Variants in KAT6B observed in about 807,000 individuals in gnomAD.
KAT6B encodes the protein lysine acetyltransferase 6B, also known as histone acetyltransferase KAT6B.
A neutral mutation model predicts 187.5 loss-of-function variants in KAT6B; 10 were observed. The ratio of observed to expected loss-of-function variants is 0.05; its 90% CI spans 0.03 to 0.09. The LOEUF (loss-of-function observed/expected upper bound fraction) is 0.09. KAT6B is among the 10% of genes least tolerant of loss of function. The pLI, the probability that KAT6B is intolerant of heterozygous loss-of-function variation, is 1.00. For missense variants in KAT6B, 1,952 were observed against 2,558.9 expected (o/e 0.76, Z 5.12); for synonymous variants, 861 against 926.8 (o/e 0.93, Z 1.29).
chr10:74,872,243 C>T (rs930224281), intron 3 of KAT6B, among the ~76,000 whole-genome samples: 1 of 152,166 alleles, frequency 6.6e-6, no homozygotes, highest in Non-Finnish European at 1.5e-5. Flanking sequence ...ACAAGAGAAG[C>T]GGCTTCTAGG....
chr10:74,906,837 G>A (rs760595262), intron 3 of KAT6B, among the ~76,000 whole-genome samples: 2 of 152,160 alleles, frequency 1.3e-5, no homozygotes, highest in Non-Finnish European at 2.9e-5. Flanking sequence ...CCTTTCTGGA[G>A]CGTCCGCCTC....
At chr10:74,954,580 C>T (rs1193003956) in intron 3 of KAT6B, among the ~76,000 whole-genome samples, 7 of 152,102 alleles carry the variant, frequency 4.6e-5, no homozygotes, top group Non-Finnish European at 2.9e-5. Flanking sequence ...ACCACAAGAA[C>T]GAATCTAACC....
At chr10:74,895,361 A>ATATTAT (rs10693929) in intron 3 of KAT6B, among the ~76,000 whole-genome samples, 22,192 of 149,384 alleles carry the variant, frequency 0.15, 2,463 homozygotes, top group South Asian at 0.31. Context: ...CCCTTTAATC[A>ATATTAT]TATTATTATT....
Position 74,843,049 on chromosome 10 carries a change from C to T in KAT6B, c.192C>T (p.Thr64=). Residue 64 remains threonine, a synonymous_variant, in exon 3 of 18, where the codon ACC becomes ACT. Transcript: ENST00000287239. ...AGGATGGCTCAGTTCTCAAAGTCAC[C>T]AACAAAGGCCTTGCCTCCTATAAGG... ...SVQDGSVLKV[T]NKGLASYKDP... The T allele has an allele frequency of 6.2e-7, 1 of 1,614,150 alleles. No individual in the cohort carries two copies. Among genetic ancestry groups the T allele is most frequent in the Non-Finnish European group, 8.5e-7 (1 of 1,180,018 alleles).
chr10:74,967,148 A>G (rs1343589963), intron 4 of KAT6B, among the ~76,000 whole-genome samples: 1 of 152,140 alleles, frequency 6.6e-6, no homozygotes, highest in Non-Finnish European at 1.5e-5. Flanking sequence ...AACACAGTGA[A>G]ACCCTGTCTG....
chr10:75,002,026 T>C (rs1358702049), intron 13 of KAT6B, among the ~76,000 whole-genome samples: 1 of 152,168 alleles, frequency 6.6e-6, no homozygotes, highest in Non-Finnish European at 1.5e-5. Context: ...CTGCACCGTG[T>C]GGTCAGCTTA....
intron 3 of KAT6B, among the ~76,000 whole-genome samples, chr10:74,940,074 A>G (rs1731389138): frequency 2.0e-5 from 3 of 152,150 alleles, no homozygotes; most frequent in Non-Finnish European, 4.4e-5. Context: ...GAATCTGGTT[A>G]CAATAACTAC....
chr10:74,987,854 C>A (rs1263253178), intron 12 of KAT6B, among the ~76,000 whole-genome samples: 1 of 152,136 alleles, frequency 6.6e-6, no homozygotes, highest in East Asian at 1.9e-4. Flanking sequence ...GAGAGAGTGA[C>A]CCATTTGTCT....
chr10:75,002,958 G>A lies in KAT6B; in HGVS notation c.2629+13846G>A, dbSNP rs183952609. ...GAACAAATGTTAAATTAATTATGAC[G>A]GGAAGAACTTTTAAAATGTGCTTTC... On this transcript the variant is annotated intron_variant, in intron 13 of 17. Coordinates refer to ENST00000287239, the MANE Select transcript of KAT6B (RefSeq NM_012330.4). 7.2e-5 allele frequency: 11 copies of A among 152,256 alleles called. No individual in the cohort carries two copies. In the East Asian group the frequency reaches 1.7e-3, roughly 24 times the overall value. The allele number at this position is 152,256 out of a possible 1,614,324, so 9.4% of individuals were successfully genotyped here.
intron 3 of KAT6B, among the ~76,000 whole-genome samples, chr10:74,940,909 T>G (rs1849625174): frequency 6.6e-6 from 1 of 152,210 alleles, no homozygotes; most frequent in African/African-American, 2.4e-5. Flanking sequence ...TTCTGATGAT[T>G]CAGAGCTGTG....
At chr10:74,910,903 C>G (rs964749625) in intron 3 of KAT6B, among the ~76,000 whole-genome samples, 2 of 152,180 alleles carry the variant, frequency 1.3e-5, no homozygotes, top group African/African-American at 4.8e-5. Flanking sequence ...CTAATCTAGT[C>G]TACCCTTGCC....
At chr10:74,899,050 A>G (rs566996481) in intron 3 of KAT6B, among the ~76,000 whole-genome samples, 12 of 150,180 alleles carry the variant, frequency 8.0e-5, no homozygotes, top group African/African-American at 3.0e-4. Flanking sequence ...AATCTCAGCT[A>G]CTTGGGAGGC....
chr10:74,897,678 A>G (rs1362917104), intron 3 of KAT6B, among the ~76,000 whole-genome samples: 2 of 152,222 alleles, frequency 1.3e-5, no homozygotes, highest in African/African-American at 4.8e-5. Context: ...ACTTCATCCA[A>G]TAGATACTTG....
chr10:74,834,647 G>A (rs991855680), intron 1 of KAT6B, among the ~76,000 whole-genome samples: 5 of 152,094 alleles, frequency 3.3e-5, no homozygotes, highest in Admixed American at 6.6e-5. Flanking sequence ...TCGGTCTCCC[G>A]AGTAGCTGGG....
intron 3 of KAT6B, among the ~76,000 whole-genome samples, chr10:74,893,737 T>C (rs917220455): frequency 4.6e-5 from 7 of 152,198 alleles, no homozygotes; most frequent in African/African-American, 1.7e-4. Context: ...CCCAAAGTGC[T>C]GGGATTATAG....
chr10:74,856,022 C>T (rs577662666), intron 3 of KAT6B, among the ~76,000 whole-genome samples: 5 of 152,196 alleles, frequency 3.3e-5, no homozygotes, highest in African/African-American at 7.2e-5. Flanking sequence ...GCAAAAAATT[C>T]GGCAGTGGAA....
At chr10:75,017,473 G>T (rs1003255887) in intron 13 of KAT6B, among the ~76,000 whole-genome samples, 2 of 152,158 alleles carry the variant, frequency 1.3e-5, no homozygotes, top group South Asian at 4.1e-4. Flanking sequence ...TCTTAGCCAG[G>T]CATGGCCACT....
At chr10:74,874,444 A>G (rs566885051) in intron 3 of KAT6B, among the ~76,000 whole-genome samples, 5 of 152,158 alleles carry the variant, frequency 3.3e-5, no homozygotes, top group East Asian at 1.9e-4. Flanking sequence ...CAGTGGCGCA[A>G]TCTCGGCACA....
chr10:74,915,654 C>T (rs2132982529), intron 3 of KAT6B, among the ~76,000 whole-genome samples: 1 of 152,336 alleles, frequency 6.6e-6, no homozygotes, highest in Non-Finnish European at 1.5e-5. Flanking sequence ...GTTAATATTT[C>T]TAGAATGAAA....
Sources: gnomAD v4.1 joint callset for allele counts (sites outside exome capture counted in the v4.1 genomes callset) on GRCh38, gnomAD v4.1.1 for gene constraint, MANE v1.5 for transcripts, NCBI Gene and HGNC (gene_info 2026-07-23, HGNC 2026-07-21) for gene names.